The following PLPPR1 variants were observed in gnomAD, a reference collection of about 807,000 sequenced individuals.
The protein encoded by PLPPR1 is phospholipid phosphatase related 1.
In PLPPR1, 10 loss-of-function variants were observed where a neutral mutation model predicts 33.1. That is an observed-to-expected ratio of 0.30 (90% CI 0.19 to 0.51). The LOEUF (loss-of-function observed/expected upper bound fraction) is 0.51. Among genes scored for constraint, PLPPR1 ranks in the 20% least tolerant of loss-of-function variants. The pLI, the probability that PLPPR1 is intolerant of heterozygous loss-of-function variation, is 0.97. For missense variants in PLPPR1, 304 were observed against 408.1 expected (o/e 0.74, Z 2.20); for synonymous variants, 151 against 151.0 (o/e 1.00, Z 0.00).
intron 2 of PLPPR1, among the ~76,000 whole-genome samples, chr9:101,232,507 A>T (rs1209894429): frequency 2.0e-5 from 3 of 152,034 alleles, no homozygotes; most frequent in South Asian, 4.2e-4. Flanking sequence ...AGAGAAAAAA[A>T]ATAATGAAGA....
At chr9:101,162,220 G>T (rs2118673467) in intron 1 of PLPPR1, among the ~76,000 whole-genome samples, 1 of 152,208 alleles carries the variant, frequency 6.6e-6, no homozygotes, top group African/African-American at 2.4e-5. Flanking sequence ...TCCAAAGATT[G>T]CAATTTTCAC....
At chr9:101,225,188 A>G (rs1348868237) in intron 2 of PLPPR1, among the ~76,000 whole-genome samples, 1 of 152,180 alleles carries the variant, frequency 6.6e-6, no homozygotes, top group Non-Finnish European at 1.5e-5. Flanking sequence ...GCATGTTACC[A>G]TGAATTTGTG....
At chr9:101,265,710 C>T (rs1302510432) in intron 2 of PLPPR1, among the ~76,000 whole-genome samples, 2 of 152,144 alleles carry the variant, frequency 1.3e-5, no homozygotes, top group African/African-American at 4.8e-5. Flanking sequence ...AATATGGTCA[C>T]AGGAGGCCGG....
chr9:101,282,382 C>T (rs1828320567), intron 3 of PLPPR1, among the ~76,000 whole-genome samples: 1 of 152,032 alleles, frequency 6.6e-6, no homozygotes, highest in Non-Finnish European at 1.5e-5. Context: ...TTAAAAAACC[C>T]TCAACAAATT....
chr9:101,188,458 T>A (rs1434326735), intron 2 of PLPPR1, among the ~76,000 whole-genome samples: 1 of 152,114 alleles, frequency 6.6e-6, no homozygotes, highest in Non-Finnish European at 1.5e-5. Context: ...GCAGCAGATT[T>A]ATTTCTTCTT....
At position 101,081,654 on chromosome 9, in the gene PLPPR1, TTTAGA is replaced by T. The variant is rs548488909; in HGVS notation, c.-46+52556_-46+52560del. ...AGAAATCAGAAATAGGTACAGTAAATTTAGATTAATTTTTTTCTCTGTGTTACATA... is the reference window on the plus strand; with the variant it reads ...AGAAATCAGAAATAGGTACAGTAAATTTAATTTTTTTCTCTGTGTTACATA... On this transcript the variant is annotated intron_variant, in intron 1 of 7. Transcript: ENST00000374874. 1.4e-3 allele frequency among the ~76,000 whole-genome samples: 212 copies of T among 152,302 alleles called. 1 individual carries two copies. Among genetic ancestry groups the T allele is most frequent in the African/African-American group, 4.9e-3 (205 of 41,568 alleles).
intron 4 of PLPPR1, among the ~76,000 whole-genome samples, chr9:101,308,797 C>T (rs753191457): frequency 1.2e-4 from 18 of 152,094 alleles, no homozygotes; most frequent in East Asian, 9.6e-4. Context: ...TGATTAATTA[C>T]GTAGACACCA....
chr9:101,244,189 G>A (rs1262786789), intron 2 of PLPPR1, among the ~76,000 whole-genome samples: 1 of 151,948 alleles, frequency 6.6e-6, no homozygotes, highest in Non-Finnish European at 1.5e-5. Context: ...GATGATTTGA[G>A]AAGAGTGGAG....
At chr9:101,145,163 T>A (rs1031220582) in intron 1 of PLPPR1, among the ~76,000 whole-genome samples, 2 of 152,002 alleles carry the variant, frequency 1.3e-5, no homozygotes, top group African/African-American at 2.4e-5. Flanking sequence ...GATACCAAAT[T>A]TCAGACAGGA....
chr9:101,235,641 A>G (rs1165840353), intron 2 of PLPPR1, among the ~76,000 whole-genome samples: 1 of 151,878 alleles, frequency 6.6e-6, no homozygotes, highest in Non-Finnish European at 1.5e-5. Context: ...TAAGTGCTCA[A>G]TTACCGAGAG....
At chr9:101,215,297 GGAGACA>G (rs1826770326) in intron 2 of PLPPR1, among the ~76,000 whole-genome samples, 1 of 150,104 alleles carries the variant, frequency 6.7e-6, no homozygotes, top group African/African-American at 2.5e-5. Flanking sequence ...ATTTTTTTTT[GGAGACA>G]GAGTTTTGCT....
intron 1 of PLPPR1, among the ~76,000 whole-genome samples, chr9:101,106,533 G>T (rs1830973546): frequency 9.4e-6 from 1 of 106,732 alleles, no homozygotes; most frequent in African/African-American, 4.3e-5. Context: ...TAGTCTGATG[G>T]GCTTTCCTTT....
At chr9:101,131,275 C>G (rs1214016334) in intron 1 of PLPPR1, among the ~76,000 whole-genome samples, 1 of 152,066 alleles carries the variant, frequency 6.6e-6, no homozygotes, top group African/African-American at 2.4e-5. Flanking sequence ...ACTCCTGAAC[C>G]CGCTCATTAA....
intron 2 of PLPPR1, among the ~76,000 whole-genome samples, chr9:101,219,623 C>T (rs529521905): frequency 2.6e-5 from 4 of 152,268 alleles, no homozygotes; most frequent in African/African-American, 9.6e-5. Flanking sequence ...CTTGTGGTAT[C>T]AAATTCTCAA....
At chr9:101,161,026 G>A (rs577430039) in intron 1 of PLPPR1, among the ~76,000 whole-genome samples, 4 of 152,126 alleles carry the variant, frequency 2.6e-5, no homozygotes, top group African/African-American at 4.8e-5. Context: ...GCATTAAACC[G>A]CTTTGATTTT....
chr9:101,062,976 G>A (rs902139807), intron 1 of PLPPR1, among the ~76,000 whole-genome samples: 2 of 151,980 alleles, frequency 1.3e-5, no homozygotes, highest in African/African-American at 4.8e-5. Context: ...AATGGGCTTG[G>A]CTTGATAAAG....
At chr9:101,109,134 A>ATTTTTTTTTTT (rs67666339) in intron 1 of PLPPR1, among the ~76,000 whole-genome samples, 5 of 99,736 alleles carry the variant, frequency 5.0e-5, no homozygotes, top group Admixed American at 1.2e-4. Flanking sequence ...AATTTTTTGT[A>ATTTTTTTTTTT]TTTTTTTTTT....
At chr9:101,242,759 G>C (rs1200028557) in intron 2 of PLPPR1, among the ~76,000 whole-genome samples, 2 of 152,034 alleles carry the variant, frequency 1.3e-5, no homozygotes, top group African/African-American at 4.8e-5. Flanking sequence ...ACCTATTCCA[G>C]AAACATTAAT....
chr9:101,066,979 A>G (rs1395959219), intron 1 of PLPPR1, among the ~76,000 whole-genome samples: 1 of 152,036 alleles, frequency 6.6e-6, no homozygotes, highest in African/African-American at 2.4e-5. Context: ...AGATGAAAAA[A>G]TTATCACCCT....
Sources: gnomAD v4.1 joint callset for allele counts (sites outside exome capture counted in the v4.1 genomes callset) on GRCh38, gnomAD v4.1.1 for gene constraint, MANE v1.5 for transcripts, NCBI Gene and HGNC (gene_info 2026-07-23, HGNC 2026-07-21) for gene names.